The following MYO5B variants were observed in gnomAD, a reference collection of about 807,000 sequenced individuals.
MYO5B encodes myosin VB, also known as unconventional myosin-Vb.
A neutral mutation model predicts 229.3 loss-of-function variants in MYO5B; 143 were observed. The ratio of observed to expected loss-of-function variants is 0.62; its 90% CI spans 0.54 to 0.72. The LOEUF (loss-of-function observed/expected upper bound fraction) is 0.72. Ranked by LOEUF, MYO5B falls within the 30% of genes least tolerant of loss-of-function variation. The pLI is 0.00. For synonymous variants in MYO5B, 918 were observed against 885.2 expected (o/e 1.04, Z -0.66); for missense variants, 2,321 against 2,331.0 (o/e 1.00, Z 0.09).
intron 1 of MYO5B, among the ~76,000 whole-genome samples, chr18:50,072,945 C>A (rs1356946460): frequency 6.6e-6 from 1 of 152,114 alleles, no homozygotes; most frequent in Non-Finnish European, 1.5e-5. Flanking sequence ...ACTAGGCCAT[C>A]AGCTGAGTTG....
chr18:49,976,231 T>C (rs2144285680), intron 9 of MYO5B, among the ~76,000 whole-genome samples: 1 of 152,348 alleles, frequency 6.6e-6, no homozygotes, highest in African/African-American at 2.4e-5. Flanking sequence ...TTGTAGGATT[T>C]AAATGAGGGC....
At chr18:49,972,564 T>G (rs539373921) in intron 10 of MYO5B, among the ~76,000 whole-genome samples, 1 of 152,346 alleles carries the variant, frequency 6.6e-6, no homozygotes, top group South Asian at 2.1e-4. Flanking sequence ...TCAGTAAAAT[T>G]ATATCCTTCT....
At chr18:49,863,937 G>C (rs2024362504) in intron 28 of MYO5B, among the ~76,000 whole-genome samples, 1 of 152,206 alleles carries the variant, frequency 6.6e-6, no homozygotes, top group Non-Finnish European at 1.5e-5. Flanking sequence ...GAAGAGTCCA[G>C]AAGCTTGTAG....
At chr18:49,928,298 G>C (rs2025152084) in intron 17 of MYO5B, among the ~76,000 whole-genome samples, 1 of 152,216 alleles carries the variant, frequency 6.6e-6, no homozygotes, top group Admixed American at 6.5e-5. Context: ...ATGTAAACTA[G>C]AACAACTGCT....
Position 49,916,303 on chromosome 18 carries a change from G to A in MYO5B, c.2091-4130C>T, listed in dbSNP as rs1015761071. Among the ~76,000 whole-genome samples the A allele has an allele frequency of 5.3e-5, 8 of 152,216 alleles. No homozygotes were observed. The East Asian group carries it at 1.3e-3, about 26-fold the overall frequency. On this transcript the variant is annotated intron_variant, in intron 17 of 39. Coordinates refer to ENST00000285039, the MANE Select transcript of MYO5B (RefSeq NM_001080467.3). ...GAGCTGTGGCTGCAAAGACATCAAGGCCAGTACAGGATGAACCTGGAGAAC... is the reference window on the plus strand; with the variant it reads ...GAGCTGTGGCTGCAAAGACATCAAGACCAGTACAGGATGAACCTGGAGAAC...
Position 49,921,374 on chromosome 18 carries a change from ACT to A in MYO5B, c.2090+8136_2090+8137del, listed in dbSNP as rs759773771. Among the ~76,000 whole-genome samples the A allele has an allele frequency of 4.0e-5, 6 of 150,508 alleles. No individual in the cohort carries two copies. The South Asian group carries it at 1.1e-3, about 26-fold the overall frequency. ...ATTTCTCCAGGACACAAAGCTGCTG[ACT>A]CTCTGGAGAGGGAGACAGATGACTG... On this transcript the variant is annotated intron_variant, in intron 17 of 39. Coordinates refer to ENST00000285039, the MANE Select transcript of MYO5B (RefSeq NM_001080467.3).
At chr18:49,893,820 G>C (rs2024745711) in intron 22 of MYO5B, among the ~76,000 whole-genome samples, 1 of 152,196 alleles carries the variant, frequency 6.6e-6, no homozygotes, top group Non-Finnish European at 1.5e-5. Flanking sequence ...ACGGATGTCT[G>C]TGTGTTCCTC....
At chr18:50,150,699 G>A (rs540975129) in intron 1 of MYO5B, among the ~76,000 whole-genome samples, 4 of 152,290 alleles carry the variant, frequency 2.6e-5, no homozygotes, top group South Asian at 2.1e-4. Context: ...TGGGGGAGTG[G>A]GGAGGGATAG....
At position 49,980,504 on chromosome 18, in the gene MYO5B, G is replaced by T. The variant is rs16951352; in HGVS notation, c.996C>A (p.Ile332=). Residue 332 remains isoleucine (I), a synonymous_variant, in exon 9 of 40, where the codon ATC becomes ATA. Transcript: ENST00000285039. ...QMSIFKIIAS[I]LHLGSVAIQA... ...GAATCGCCACACTTCCAAGGTGCAA[G>T]ATAGAAGCAATTATCTTAAAAATGC... 3,831 of 1,613,988 alleles carry T rather than the reference G, an allele frequency of 2.4e-3. 42 individuals carry two copies. The African/African-American group carries it at 0.031, about 13-fold the overall frequency.
chr18:50,106,345 A>T (rs1006471679), intron 1 of MYO5B, among the ~76,000 whole-genome samples: 8 of 152,148 alleles, frequency 5.3e-5, no homozygotes, highest in Non-Finnish European at 1.2e-4. Context: ...TGTAAATCAA[A>T]TAATTTCCCT....
intron 1 of MYO5B, among the ~76,000 whole-genome samples, chr18:50,163,437 C>G (rs2032799648): frequency 6.6e-6 from 1 of 152,148 alleles, no homozygotes; most frequent in Non-Finnish European, 1.5e-5. Context: ...TAAGCAATGG[C>G]TTTTTACTTT....
In MYO5B at chr18:49,857,972, T is replaced by TG. The variant is rs1299141290; in HGVS notation, c.3945-1083dup. 9.8e-5 allele frequency among the ~76,000 whole-genome samples: 15 copies of TG among 152,318 alleles called. No individual in the cohort carries two copies. In the East Asian group the frequency reaches 2.9e-3, roughly 29 times the overall value. On this transcript the variant is annotated intron_variant, in intron 29 of 39. Coordinates refer to ENST00000285039, the MANE Select transcript of MYO5B (RefSeq NM_001080467.3). ...ATTCCAGCTTTCCAGGCAGGAATAA[T>TG]GGAGCAAGAACTGCATCCAAACAGC...
chr18:49,975,171 T>C (rs988196750), intron 9 of MYO5B, among the ~76,000 whole-genome samples: 1 of 152,218 alleles, frequency 6.6e-6, no homozygotes, highest in African/African-American at 2.4e-5. Flanking sequence ...TTACAGGCAT[T>C]GCCTTTGACC....
At position 49,853,364 on chromosome 18, in the gene MYO5B, C is replaced by T. The variant is rs548879884; in HGVS notation, c.4221+85G>A. Reference sequence around the variant, plus strand: ...TAGGGCCAAGGGTCATGAACCTTGTCAGTTTTGCCAAAGGCAACCCCGATC... The same window carrying T: ...TAGGGCCAAGGGTCATGAACCTTGTTAGTTTTGCCAAAGGCAACCCCGATC... On this transcript the variant is annotated intron_variant, in intron 31 of 39. Coordinates refer to ENST00000285039, the MANE Select transcript of MYO5B (RefSeq NM_001080467.3). The T allele has an allele frequency of 5.1e-6, 7 of 1,380,348 alleles. 1 individual carries two copies. In the East Asian group the frequency reaches 1.4e-4, roughly 27 times the overall value. The allele number at this position is 1,380,348 out of a possible 1,614,324, so 85.5% of individuals were successfully genotyped here. A position where few individuals can be genotyped will look rare whatever the true frequency, so the allele number is the denominator to read the frequency against.
intron 12 of MYO5B, among the ~76,000 whole-genome samples, chr18:49,957,844 T>C (rs186376668): frequency 6.6e-6 from 1 of 152,216 alleles, no homozygotes; most frequent in Non-Finnish European, 1.5e-5. Flanking sequence ...CTCAAATCAC[T>C]GTACCATAAA....
At chr18:50,158,109 T>C (rs1281466608) in intron 1 of MYO5B, among the ~76,000 whole-genome samples, 1 of 152,176 alleles carries the variant, frequency 6.6e-6, no homozygotes, top group Non-Finnish European at 1.5e-5. Context: ...CCTTAAATGA[T>C]TACAGGGACC....
chr18:50,022,518 G>A (rs2026287233), intron 4 of MYO5B, among the ~76,000 whole-genome samples: 1 of 152,096 alleles, frequency 6.6e-6, no homozygotes, highest in Non-Finnish European at 1.5e-5. Context: ...TAGTAAGAAG[G>A]CAAAGACAAG....
At chr18:49,985,747 C>T (rs551880262) in intron 7 of MYO5B, among the ~76,000 whole-genome samples, 2 of 152,304 alleles carry the variant, frequency 1.3e-5, no homozygotes, top group East Asian at 3.9e-4. Context: ...TCCCTCTTCC[C>T]TGAAAACCCT....
intron 1 of MYO5B, among the ~76,000 whole-genome samples, chr18:50,135,987 A>G (rs1049161696): frequency 2.0e-5 from 3 of 152,236 alleles, no homozygotes; most frequent in Admixed American, 6.5e-5. Flanking sequence ...CCTATTTGAC[A>G]GGTGAGGAAT....
Sources: allele counts gnomAD v4.1 joint callset (sites outside exome capture counted in the v4.1 genomes callset), GRCh38; gene constraint gnomAD v4.1.1; transcripts MANE v1.5; gene names NCBI Gene and HGNC (gene_info 2026-07-23, HGNC 2026-07-21).